Variants in RBFOX1 observed in about 807,000 individuals in gnomAD.
RBFOX1 encodes the protein RNA binding fox-1 homolog 1.
RBFOX1 carries 8 observed loss-of-function variants against 57.7 expected under a neutral mutation model. The observed-to-expected ratio is 0.14, with a 90% confidence interval of 0.08 to 0.25. The LOEUF (loss-of-function observed/expected upper bound fraction) is 0.25. Among genes scored for constraint, RBFOX1 ranks in the 10% least tolerant of loss-of-function variants. The pLI, the probability that RBFOX1 is intolerant of heterozygous loss-of-function variation, is 1.00. For missense variants in RBFOX1, 611 were observed against 548.5 expected (o/e 1.11, Z -1.14); for synonymous variants, 326 against 222.4 (o/e 1.47, Z -4.15).
chr16:6,635,813 A>G (rs1244665821), intron 2 of RBFOX1, among the ~76,000 whole-genome samples: 4 of 152,196 alleles, frequency 2.6e-5, no homozygotes, highest in African/African-American at 9.7e-5. Context: ...TTAGGTCACT[A>G]TCATATTCAC....
At chr16:7,181,325 C>G (rs913486707) in intron 4 of RBFOX1, among the ~76,000 whole-genome samples, 2 of 152,054 alleles carry the variant, frequency 1.3e-5, no homozygotes, top group African/African-American at 4.8e-5. Context: ...CCATGTCATC[C>G]TTCTCTGCCC....
chr16:5,681,776 C>T (rs545624206), intron 3 of RBFOX1, among the ~76,000 whole-genome samples: 1 of 152,040 alleles, frequency 6.6e-6, no homozygotes, highest in Admixed American at 6.6e-5. Context: ...TTTTTAACAA[C>T]ATGTGCAAAG....
At chr16:5,485,116 G>A (rs1411856336) in intron 2 of RBFOX1, among the ~76,000 whole-genome samples, 4 of 151,932 alleles carry the variant, frequency 2.6e-5, no homozygotes, top group Non-Finnish European at 5.9e-5. Flanking sequence ...GGAGGCCGAG[G>A]CGGGCGGATG....
At chr16:5,749,404 T>G (rs2151614502) in intron 3 of RBFOX1, among the ~76,000 whole-genome samples, 1 of 152,294 alleles carries the variant, frequency 6.6e-6, no homozygotes, top group East Asian at 1.9e-4. Context: ...TGAATTTGAA[T>G]GTTGGCCTGC....
At chr16:7,414,218 G>A (rs940424957) in intron 4 of RBFOX1, among the ~76,000 whole-genome samples, 4 of 152,214 alleles carry the variant, frequency 2.6e-5, no homozygotes, top group Non-Finnish European at 5.9e-5. Context: ...GCAGGTGGTA[G>A]GGATACAGAA....
chr16:6,888,346 C>G (rs1380261279), intron 3 of RBFOX1, among the ~76,000 whole-genome samples: 3 of 152,170 alleles, frequency 2.0e-5, no homozygotes, highest in African/African-American at 7.2e-5. Context: ...ATCACTGAAG[C>G]TGTTTGAAAA....
intron 2 of RBFOX1, among the ~76,000 whole-genome samples, chr16:6,549,597 T>G (rs2096955156): frequency 6.6e-6 from 1 of 150,960 alleles, no homozygotes; most frequent in African/African-American, 2.4e-5. Context: ...AGCATTCACT[T>G]GAAGATACTG....
chr16:6,713,261 TG>T (rs2064078566), intron 3 of RBFOX1, among the ~76,000 whole-genome samples: 1 of 72,944 alleles, frequency 1.4e-5, no homozygotes, highest in Admixed American at 1.1e-4. Context: ...ATATCATACC[TG>T]GGTTTTTGTT....
chr16:5,704,409 G>A (rs1432779855), intron 3 of RBFOX1, among the ~76,000 whole-genome samples: 2 of 152,060 alleles, frequency 1.3e-5, no homozygotes, highest in African/African-American at 4.8e-5. Context: ...ACAACTCACA[G>A]GGAGTGGTGG....
chr16:6,701,515 T>C (rs1478461970), intron 3 of RBFOX1, among the ~76,000 whole-genome samples: 3 of 152,176 alleles, frequency 2.0e-5, no homozygotes, highest in Admixed American at 6.5e-5. Flanking sequence ...GGCACCAGCA[T>C]TTGCTCAGCT....
intron 2 of RBFOX1, among the ~76,000 whole-genome samples, chr16:6,367,682 G>A (rs2089853452): frequency 1.3e-5 from 2 of 151,672 alleles, no homozygotes; most frequent in East Asian, 1.9e-4. Flanking sequence ...TGCTTTCATA[G>A]GATGGGAGCC....
intron 2 of RBFOX1, among the ~76,000 whole-genome samples, chr16:6,600,006 C>T (rs1480666891): frequency 6.6e-6 from 1 of 152,134 alleles, no homozygotes; most frequent in Non-Finnish European, 1.5e-5. Context: ...CATCTTCTTC[C>T]CAAAGCCCAG....
intron 2 of RBFOX1, among the ~76,000 whole-genome samples, chr16:5,579,823 G>A (rs1012191494): frequency 1.3e-5 from 2 of 150,272 alleles, no homozygotes; most frequent in Admixed American, 6.7e-5. Flanking sequence ...GCAGTCACTC[G>A]ATCTCAGCTC....
intron 3 of RBFOX1, among the ~76,000 whole-genome samples, chr16:6,833,250 C>A (rs566943869): frequency 6.6e-6 from 1 of 151,972 alleles, no homozygotes; most frequent in Non-Finnish European, 1.5e-5. Flanking sequence ...ATTACAACCT[C>A]CGCCTCCCAG....
At chr16:6,819,167 C>A (rs1042400001) in intron 3 of RBFOX1, among the ~76,000 whole-genome samples, 5 of 152,146 alleles carry the variant, frequency 3.3e-5, no homozygotes, top group African/African-American at 9.7e-5. Flanking sequence ...CCCTGTGAGC[C>A]TTGTACACTG....
At chr16:5,582,386 G>A (rs768688823) in intron 2 of RBFOX1, among the ~76,000 whole-genome samples, 1 of 152,076 alleles carries the variant, frequency 6.6e-6, no homozygotes, top group Non-Finnish European at 1.5e-5. Flanking sequence ...GGACCACACT[G>A]GCCGTCGTGA....
chr16:6,663,424 A>C lies in RBFOX1; in HGVS notation c.-16+8774A>C, dbSNP rs148205521. ...ATAGCCAGCAGGATTTGTTTCTATT[A>C]GTGCCAGTCTCTTGCCCCTGGGAGT... On this transcript the variant is annotated intron_variant, in intron 3 of 15. Transcript: ENST00000550418. 3.9e-3 allele frequency among the ~76,000 whole-genome samples: 598 copies of C among 152,296 alleles called. 4 individuals are homozygous for C. The highest frequency in any genetic ancestry group is 0.014 in the African/African-American group (576 of 41,560).
At chr16:7,689,037 G>T (rs927017973) in intron 14 of RBFOX1, among the ~76,000 whole-genome samples, 19 of 152,016 alleles carry the variant, frequency 1.2e-4, no homozygotes, top group African/African-American at 4.6e-4. Flanking sequence ...ACAGCTGCTC[G>T]CATTATGTAA....
intron 4 of RBFOX1, among the ~76,000 whole-genome samples, chr16:7,120,321 G>C (rs1479215438): frequency 6.9e-6 from 1 of 145,840 alleles, no homozygotes; most frequent in African/African-American, 2.6e-5. Context: ...CAAAGAGAAA[G>C]AAGGGAATAG....
Sources: gnomAD v4.1 joint callset for allele counts (sites outside exome capture counted in the v4.1 genomes callset) on GRCh38, gnomAD v4.1.1 for gene constraint, MANE v1.5 for transcripts, NCBI Gene and HGNC (gene_info 2026-07-23, HGNC 2026-07-21) for gene names.